PRKCE: variants seen among roughly 807,000 people sequenced by gnomAD.
PRKCE encodes the protein protein kinase C epsilon type.
PRKCE carries 16 observed loss-of-function variants against 85.4 expected under a neutral mutation model. That is an observed-to-expected ratio of 0.19 (90% CI 0.13 to 0.28). PRKCE has a LOEUF of 0.28. Among genes scored for constraint, PRKCE ranks in the 10% least tolerant of loss-of-function variants. PRKCE has a pLI of 1.00. For synonymous variants in PRKCE, 388 were observed against 371.5 expected (o/e 1.04, Z -0.51); for missense variants, 573 against 975.2 (o/e 0.59, Z 5.49).
chr2:45,929,681 G>T (rs534664389), intron 2 of PRKCE, among the ~76,000 whole-genome samples: 1 of 152,242 alleles, frequency 6.6e-6, no homozygotes, highest in East Asian at 1.9e-4. Flanking sequence ...TGTAAGCATT[G>T]CAGGGATACT....
In PRKCE at chr2:46,159,049, A is replaced by G. The variant is rs1318633641; in HGVS notation, c.1921-557A>G. 6.6e-6 allele frequency among the ~76,000 whole-genome samples: 1 copy of G among 152,238 alleles called. No individual in the cohort carries two copies. Among genetic ancestry groups the G allele is most frequent in the Non-Finnish European group, 1.5e-5 (1 of 68,034 alleles). Reference sequence around the variant, plus strand: ...ATTTTGTGTCAAGATTGCAAATTCAAACATAAAAACAGTGGAGAGGGGCTG... The same window carrying G: ...ATTTTGTGTCAAGATTGCAAATTCAGACATAAAAACAGTGGAGAGGGGCTG... On this transcript the variant is annotated intron_variant, in intron 13 of 14. Coordinates refer to ENST00000306156, the MANE Select transcript of PRKCE (RefSeq NM_005400.3). The surrounding 1 kb of genome is among the most constrained non-coding windows in gnomAD (Gnocchi z 4.1).
chr2:45,898,382 C>A (rs1230289868), intron 2 of PRKCE, among the ~76,000 whole-genome samples: 2 of 152,190 alleles, frequency 1.3e-5, no homozygotes, highest in Non-Finnish European at 2.9e-5. Context: ...AGCTGTCTGT[C>A]TTCTCAGTGG....
At chr2:45,835,694 C>G (rs1690809283) in intron 1 of PRKCE, among the ~76,000 whole-genome samples, 1 of 151,544 alleles carries the variant, frequency 6.6e-6, no homozygotes, top group Non-Finnish European at 1.5e-5. Context: ...AGGTTCAAGC[C>G]ATTCTCCTGC....
intron 11 of PRKCE, among the ~76,000 whole-genome samples, chr2:46,128,648 G>C (rs191203274): frequency 2.6e-4 from 39 of 152,290 alleles, no homozygotes; most frequent in African/African-American, 9.1e-4. Flanking sequence ...TTTGGTAAAC[G>C]TTCCCTAATC....
At chr2:46,055,526 A>T (rs762882955) in intron 10 of PRKCE, among the ~76,000 whole-genome samples, 1 of 152,318 alleles carries the variant, frequency 6.6e-6, no homozygotes, top group Non-Finnish European at 1.5e-5. Context: ...CTGCAATAGG[A>T]TACCCTTTGT....
chr2:45,981,134 A>C (rs1260660661), intron 5 of PRKCE, among the ~76,000 whole-genome samples: 1 of 152,216 alleles, frequency 6.6e-6, no homozygotes, highest in African/African-American at 2.4e-5. Context: ...AAAATGCAAC[A>C]ATGAAGCTAG....
Position 46,184,702 on chromosome 2 carries a change from C to T in PRKCE, c.2068-33C>T, listed in dbSNP as rs780432995. The T allele has an allele frequency of 1.9e-6, 3 of 1,595,870 alleles. No homozygotes were observed. The highest frequency in any genetic ancestry group is 3.3e-5 in the Admixed American group (2 of 59,792). ...GGGGGCCCTCAGGAGGGAGAGCAGC[C>T]TCAACTCACCACTTTCTCTTTTCTT... is the stretch of plus-strand genomic sequence containing the variant. On this transcript the variant is annotated intron_variant, in intron 14 of 14. Coordinates refer to ENST00000306156, the MANE Select transcript of PRKCE (RefSeq NM_005400.3). This position sits in a 1 kb window ranked among gnomAD's most constrained non-coding sequence, Gnocchi z 5.0.
chr2:46,077,062 A>G (rs1042860587), intron 10 of PRKCE, among the ~76,000 whole-genome samples: 4 of 152,184 alleles, frequency 2.6e-5, no homozygotes, highest in African/African-American at 9.6e-5. Flanking sequence ...GATAAGTCCT[A>G]GTGATTTGCT....
intron 11 of PRKCE, among the ~76,000 whole-genome samples, chr2:46,091,069 T>C (rs1005642365): frequency 1.3e-4 from 19 of 151,902 alleles, no homozygotes; most frequent in Non-Finnish European, 2.2e-4. Context: ...AATCTCCTTT[T>C]CCTCTGGTTT....
chr2:45,743,468 C>G (rs1178819669), intron 1 of PRKCE, among the ~76,000 whole-genome samples: 1 of 152,016 alleles, frequency 6.6e-6, no homozygotes, highest in Non-Finnish European at 1.5e-5. Flanking sequence ...TTTCCCACCC[C>G]TCACCGAGAG....
intron 10 of PRKCE, among the ~76,000 whole-genome samples, chr2:46,061,032 G>A (rs1279329400): frequency 6.6e-6 from 1 of 151,266 alleles, no homozygotes; most frequent in Non-Finnish European, 1.5e-5. Context: ...AAAGTGCTGG[G>A]ATTACAGGAG....
intron 1 of PRKCE, among the ~76,000 whole-genome samples, chr2:45,744,954 T>C (rs1573173933): frequency 2.0e-5 from 3 of 152,274 alleles, no homozygotes; most frequent in East Asian, 1.9e-4. Flanking sequence ...TGTGAGTCTC[T>C]TGTGGTGCTC....
chr2:46,058,593 C>T (rs1666822520), intron 10 of PRKCE, among the ~76,000 whole-genome samples: 1 of 152,128 alleles, frequency 6.6e-6, no homozygotes, highest in Non-Finnish European at 1.5e-5. Context: ...TTCTGCATAT[C>T]ACCTGGTGGC....
At chr2:45,963,332 C>T (rs550828915) in intron 2 of PRKCE, among the ~76,000 whole-genome samples, 46 of 151,976 alleles carry the variant, frequency 3.0e-4, no homozygotes, top group African/African-American at 7.7e-4. Flanking sequence ...TTTTTTAGAC[C>T]GAGTCTTGCT....
intron 1 of PRKCE, among the ~76,000 whole-genome samples, chr2:45,725,890 G>A (rs900678814): frequency 6.6e-6 from 1 of 152,064 alleles, no homozygotes; most frequent in Non-Finnish European, 1.5e-5. Flanking sequence ...ATGCATGGGA[G>A]GAGGTGAAAA....
intron 2 of PRKCE, among the ~76,000 whole-genome samples, chr2:45,965,871 T>G (rs562284921): frequency 6.6e-6 from 1 of 152,358 alleles, no homozygotes; most frequent in African/African-American, 2.4e-5. Flanking sequence ...CTTGGTGGGC[T>G]TAGCATAGCT....
intron 2 of PRKCE, among the ~76,000 whole-genome samples, chr2:45,943,211 A>G (rs762396705): frequency 2.4e-4 from 36 of 152,366 alleles, no homozygotes; most frequent in Middle Eastern, 3.4e-3. Context: ...TTGTTAAAGG[A>G]CACAATTAAA....
At chr2:45,746,689 T>C (rs1222109076) in intron 1 of PRKCE, among the ~76,000 whole-genome samples, 2 of 152,210 alleles carry the variant, frequency 1.3e-5, no homozygotes, top group African/African-American at 4.8e-5. Context: ...TCCCACAGCA[T>C]CCCATGGACA....
intron 6 of PRKCE, chr2:46,000,822 C>T (rs556369471): frequency 5.3e-5 from 8 of 152,360 alleles, no homozygotes; most frequent in African/African-American, 1.7e-4. Flanking sequence ...TTGCGATTCT[C>T]TGTATTCGCC....
Sources: allele counts gnomAD v4.1 joint callset (sites outside exome capture counted in the v4.1 genomes callset), GRCh38; gene constraint gnomAD v4.1.1; non-coding constraint Gnocchi (gnomAD v3.1); transcripts MANE v1.5; gene names NCBI Gene and HGNC (gene_info 2026-07-23, HGNC 2026-07-21).